The following KCNJ6 variants were observed in gnomAD, a reference collection of about 807,000 sequenced individuals.
KCNJ6 encodes the protein G protein-activated inward rectifier potassium channel 2.
KCNJ6 carries 9 observed loss-of-function variants against 34.2 expected under a neutral mutation model. That is an observed-to-expected ratio of 0.26 (90% CI 0.16 to 0.46). The LOEUF (loss-of-function observed/expected upper bound fraction) is 0.46, where lower values mean the gene tolerates loss of function less well. KCNJ6 is among the 20% of genes least tolerant of loss of function. The probability of loss-of-function intolerance (pLI) is 1.00; values close to 1 mark genes in which losing one functional copy is unlikely to be tolerated. For synonymous variants in KCNJ6, 196 were observed against 207.1 expected (o/e 0.95, Z 0.46); for missense variants, 236 against 531.3 (o/e 0.44, Z 5.46).
Position 37,803,687 on chromosome 21 carries a change from C to T in KCNJ6, c.25+36971G>A, listed in dbSNP as rs368123944. Among the ~76,000 whole-genome samples, 3 of 152,160 alleles carry T rather than the reference C, an allele frequency of 2.0e-5. No individual in the cohort carries two copies. The East Asian group carries it at 5.8e-4, about 29-fold the overall frequency. Reference sequence around the variant, plus strand: ...GGGGTCCATGGTGGGCACACACCAGCAGGCAAAACGATGAGGAAGTGCTGT... The same window carrying T: ...GGGGTCCATGGTGGGCACACACCAGTAGGCAAAACGATGAGGAAGTGCTGT... On this transcript the variant is annotated intron_variant, in intron 2 of 3. Coordinates refer to ENST00000609713, the MANE Select transcript of KCNJ6 (RefSeq NM_002240.5).
intron 1 of KCNJ6, among the ~76,000 whole-genome samples, chr21:37,882,527 C>T (rs910223472): frequency 3.3e-5 from 5 of 152,198 alleles, no homozygotes; most frequent in Non-Finnish European, 7.3e-5. Context: ...TCGCCCCCAG[C>T]CTTTCCTCTT....
At chr21:37,654,105 GTTT>G (rs537326162) in intron 3 of KCNJ6, among the ~76,000 whole-genome samples, 17,432 of 122,522 alleles carry the variant, frequency 0.14, 1,532 homozygotes, top group African/African-American at 0.29. Flanking sequence ...CACTTTGTGG[GTTT>G]TTTTTTTTTT....
At chr21:37,773,111 C>T (rs2055125139) in intron 2 of KCNJ6, among the ~76,000 whole-genome samples, 1 of 152,180 alleles carries the variant, frequency 6.6e-6, no homozygotes, top group Non-Finnish European at 1.5e-5. Flanking sequence ...GGCCTGTATA[C>T]AGTAGGTGCT....
intron 2 of KCNJ6, among the ~76,000 whole-genome samples, chr21:37,792,538 G>A (rs142567966): frequency 1.6e-4 from 24 of 152,300 alleles, no homozygotes; most frequent in Admixed American, 5.2e-4. Context: ...CAGTAGGGTA[G>A]GAGAGGAAGT....
intron 3 of KCNJ6, among the ~76,000 whole-genome samples, chr21:37,686,904 G>A (rs1450345521): frequency 1.3e-5 from 2 of 152,080 alleles, no homozygotes; most frequent in Non-Finnish European, 2.9e-5. Context: ...AAAAATGGAG[G>A]GTGGGCAGAG....
chr21:37,751,501 G>A (rs2123483488), intron 2 of KCNJ6, among the ~76,000 whole-genome samples: 1 of 152,344 alleles, frequency 6.6e-6, no homozygotes, highest in South Asian at 2.1e-4. Context: ...TGGGAATGAA[G>A]TGCAAGGTTC....
chr21:37,824,030 G>A (rs546720418), intron 2 of KCNJ6, among the ~76,000 whole-genome samples: 20 of 152,402 alleles, frequency 1.3e-4, no homozygotes, highest in African/African-American at 3.6e-4. Flanking sequence ...TTCACAATGC[G>A]TACATATATT....
intron 2 of KCNJ6, among the ~76,000 whole-genome samples, chr21:37,779,932 G>A (rs1314529888): frequency 6.6e-6 from 1 of 152,202 alleles, no homozygotes; most frequent in Non-Finnish European, 1.5e-5. Flanking sequence ...AAACCAAGAT[G>A]TGGAGACTTT....
chr21:37,789,755 T>C (rs1047720929), intron 2 of KCNJ6, among the ~76,000 whole-genome samples: 2 of 152,212 alleles, frequency 1.3e-5, no homozygotes, highest in Admixed American at 6.5e-5. Context: ...TGTGGTTTAG[T>C]GCGCTGTCGA....
chr21:37,821,251 A>G (rs189501101), intron 2 of KCNJ6, among the ~76,000 whole-genome samples: 257 of 152,356 alleles, frequency 1.7e-3, no homozygotes, highest in African/African-American at 6.1e-3. Flanking sequence ...AACTTAAAGT[A>G]AACGTTACCT....
chr21:37,826,019 A>C (rs968254946), intron 2 of KCNJ6, among the ~76,000 whole-genome samples: 2 of 151,980 alleles, frequency 1.3e-5, no homozygotes, highest in African/African-American at 4.8e-5. Flanking sequence ...CATATCAGCC[A>C]CCTATCCCCT....
intron 3 of KCNJ6, among the ~76,000 whole-genome samples, chr21:37,680,405 G>A (rs899321797): frequency 1.3e-5 from 2 of 152,140 alleles, no homozygotes; most frequent in Non-Finnish European, 1.5e-5. Flanking sequence ...TCGGCTGCAC[G>A]TGGCTGCTGT....
At position 37,819,321 on chromosome 21, in the gene KCNJ6, CAG is replaced by C. The variant is rs138165329; in HGVS notation, c.25+21335_25+21336del. Among the ~76,000 whole-genome samples, 8 of 152,240 alleles carry C rather than the reference CAG, an allele frequency of 5.3e-5. No homozygotes were observed. In the East Asian group the frequency reaches 1.4e-3, roughly 26 times the overall value. On this transcript the variant is annotated intron_variant, in intron 2 of 3. Coordinates refer to ENST00000609713, the MANE Select transcript of KCNJ6 (RefSeq NM_002240.5). ...TTGTTTGTCATTTTAGAATTGAGAT[CAG>C]AGTGTCAGTGCCTGAAAAACTGAGG...
At chr21:37,731,947 T>C (rs2123468559) in intron 2 of KCNJ6, among the ~76,000 whole-genome samples, 1 of 152,188 alleles carries the variant, frequency 6.6e-6, no homozygotes, top group East Asian at 1.9e-4. Flanking sequence ...CCAGAGACTC[T>C]GAATAGGGTG....
chr21:37,663,244 T>C (rs1206170772), intron 3 of KCNJ6, among the ~76,000 whole-genome samples: 1 of 152,196 alleles, frequency 6.6e-6, no homozygotes, highest in Non-Finnish European at 1.5e-5. Flanking sequence ...ACATGAGTTC[T>C]GTAATTGTTT....
intron 3 of KCNJ6, among the ~76,000 whole-genome samples, chr21:37,651,318 C>T (rs573857839): frequency 1.5e-4 from 23 of 152,258 alleles, no homozygotes; most frequent in Admixed American, 1.1e-3. Flanking sequence ...GTAGGCCTGT[C>T]GGCCACATCA....
chr21:37,816,686 G>T (rs1185828605), intron 2 of KCNJ6, among the ~76,000 whole-genome samples: 2 of 152,166 alleles, frequency 1.3e-5, no homozygotes, highest in African/African-American at 4.8e-5. Context: ...GGATTTCTTG[G>T]CAGAGAAGGA....
At chr21:37,650,293 A>G (rs1450328742) in intron 3 of KCNJ6, among the ~76,000 whole-genome samples, 1 of 152,050 alleles carries the variant, frequency 6.6e-6, no homozygotes, top group Non-Finnish European at 1.5e-5. Context: ...GCAATAAGCT[A>G]CCTCTGGACT....
intron 2 of KCNJ6, among the ~76,000 whole-genome samples, chr21:37,768,999 T>G (rs1388709674): frequency 1.3e-5 from 2 of 152,238 alleles, no homozygotes; most frequent in African/African-American, 2.4e-5. Context: ...TGAATCAGCC[T>G]GAGGAAGTCC....
Sources: gnomAD v4.1 joint callset for allele counts (sites outside exome capture counted in the v4.1 genomes callset) on GRCh38, gnomAD v4.1.1 for gene constraint, MANE v1.5 for transcripts, NCBI Gene and HGNC (gene_info 2026-07-23, HGNC 2026-07-21) for gene names.